Variants in ALDH5A1 observed in about 807,000 individuals in gnomAD.
ALDH5A1 encodes the protein succinate-semialdehyde dehydrogenase, mitochondrial.
In ALDH5A1, 33 loss-of-function variants were observed where a neutral mutation model predicts 54.7. The ratio of observed to expected loss-of-function variants is 0.60; its 90% CI spans 0.46 to 0.81. The LOEUF (loss-of-function observed/expected upper bound fraction) is 0.81, where lower values mean the gene tolerates loss of function less well. Among genes scored for constraint, ALDH5A1 ranks in the 30% least tolerant of loss-of-function variants. The probability of loss-of-function intolerance (pLI) is 0.00; values close to 1 mark genes in which losing one functional copy is unlikely to be tolerated. For synonymous variants in ALDH5A1, 294 were observed against 292.7 expected (o/e 1.00, Z -0.05); for missense variants, 657 against 711.0 (o/e 0.92, Z 0.86).
In ALDH5A1 at chr6:24,528,122, G is replaced by C. The variant is rs781629841; in HGVS notation, c.1299G>C (p.Leu433=). 3.1e-6 allele frequency: 5 copies of C among 1,614,032 alleles called. No homozygotes were observed. In the Admixed American group the frequency reaches 8.3e-5, roughly 27 times the overall value. ...TLLCNVTQDM[L]CTHEETFGPL... ...TGTGCAATGTCACCCAGGACATGCT[G>C]TGCACTCATGAAGAGACTTTCGGGC... Residue 433 remains leucine (L), a synonymous_variant, in exon 8 of 10, where the codon CTG becomes CTC. Coordinates refer to ENST00000357578, the MANE Select transcript of ALDH5A1 (RefSeq NM_001080.3).
intron 1 of ALDH5A1, among the ~76,000 whole-genome samples, chr6:24,499,163 A>G (rs1044035959): frequency 6.6e-6 from 1 of 150,998 alleles, no homozygotes; most frequent in Non-Finnish European, 1.5e-5. Flanking sequence ...ATGCACCTGT[A>G]TGTAATCCCA....
At chr6:24,501,905 G>GTA (rs773681557) in intron 1 of ALDH5A1, among the ~76,000 whole-genome samples, 3,982 of 147,618 alleles carry the variant, frequency 0.027, 92 homozygotes, top group South Asian at 0.092. Context: ...ATGTGTGTGT[G>GTA]TGTGTGTGGG....
intron 4 of ALDH5A1, among the ~76,000 whole-genome samples, chr6:24,514,434 C>T (rs866030795): frequency 1.1e-4 from 16 of 152,022 alleles, no homozygotes; most frequent in Admixed American, 6.6e-5. Flanking sequence ...TTGAACAGAC[C>T]GTGGCATTGA....
At chr6:24,499,278 C>G (rs1436114455) in intron 1 of ALDH5A1, among the ~76,000 whole-genome samples, 2 of 151,934 alleles carry the variant, frequency 1.3e-5, no homozygotes, top group African/African-American at 4.8e-5. Context: ...GGTGACAGAG[C>G]GAGACTGTCT....
At chr6:24,504,046 T>G (rs1449280116) in intron 3 of ALDH5A1, among the ~76,000 whole-genome samples, 1 of 152,212 alleles carries the variant, frequency 6.6e-6, no homozygotes, top group Non-Finnish European at 1.5e-5. Flanking sequence ...TCGAGACGTC[T>G]GTGTTTTTCC....
At chr6:24,500,038 C>G (rs891772487) in intron 1 of ALDH5A1, among the ~76,000 whole-genome samples, 4 of 152,102 alleles carry the variant, frequency 2.6e-5, no homozygotes, top group Admixed American at 2.6e-4. Flanking sequence ...GAACTCCTGG[C>G]CACAAGCAAC....
rs200484487 is a variant in ALDH5A1 at position 24,504,943 on chromosome 6, G to A, written c.684G>A (p.Lys228=). Residue 228 remains lysine (K), a synonymous_variant, in exon 4 of 10, where the codon AAG becomes AAA. Coordinates refer to ENST00000357578, the MANE Select transcript of ALDH5A1 (RefSeq NM_001080.3). Reference sequence around the variant, plus strand: ...CAGCCGGCTGTACTGTCGTGGTGAAGCCTGCCGAAGACACGCCCTTCTCCG... The same window carrying A: ...CAGCCGGCTGTACTGTCGTGGTGAAACCTGCCGAAGACACGCCCTTCTCCG... ...ALAAGCTVVV[K]PAEDTPFSAL... 76 of 1,614,228 alleles carry A rather than the reference G, an allele frequency of 4.7e-5. No individual in the cohort carries two copies. In the African/African-American group the frequency reaches 7.6e-4, roughly 16 times the overall value.
chr6:24,511,825 T>C, intron 4 of ALDH5A1: 1 of 529,130 alleles, frequency 1.9e-6, no homozygotes, highest in Non-Finnish European at 3.4e-6. Flanking sequence ...TGAATTCTTT[T>C]TCAGGTAAAT....
intron 4 of ALDH5A1, among the ~76,000 whole-genome samples, chr6:24,513,782 T>C (rs1281878433): frequency 1.3e-5 from 2 of 152,204 alleles, no homozygotes; most frequent in East Asian, 3.9e-4. Context: ...TGGGGTTCTC[T>C]GTTATTGGGT....
At chr6:24,501,642 C>G (rs971466671) in intron 1 of ALDH5A1, among the ~76,000 whole-genome samples, 3 of 152,122 alleles carry the variant, frequency 2.0e-5, no homozygotes, top group Non-Finnish European at 2.9e-5. Flanking sequence ...ACCAAGGAAG[C>G]AGAGGTTGCA....
At position 24,502,557 on chromosome 6, in the gene ALDH5A1, T is replaced by C. The variant is rs201357945; in HGVS notation, c.389T>C (p.Leu130Ser). 6.2e-7 allele frequency: 1 copy of C among 1,613,774 alleles called. No individual in the cohort carries two copies. Among genetic ancestry groups the C allele is most frequent in the East Asian group, 2.2e-5 (1 of 44,876 alleles). Reference protein sequence around the residue: ...RSSLLRKWYNLMIQNKDDLAR... With the variant: ...RSSLLRKWYNSMIQNKDDLAR... ...TCATTACTTCGGAAGTGGTACAATT[T>C]AATGATACAAAATAAGGATGACCTT... is the stretch of plus-strand genomic sequence containing the variant. The change falls in exon 2 of 10, where the codon TTA becomes TCA. Residue 130 changes from leucine to serine, a missense_variant. Transcript: ENST00000357578.
At position 24,533,751 on chromosome 6, in the gene ALDH5A1, A is replaced by G; in HGVS notation, c.*39A>G. On this transcript the variant is annotated 3_prime_UTR_variant, in exon 10 of 10. Transcript: ENST00000357578. ...TTTAAAAAAATTTAAAAGGAGACTT[A>G]TCTACATATATAGGTACATGCCATC... is the stretch of plus-strand genomic sequence containing the variant. 6.4e-7 allele frequency: 1 copy of G among 1,551,506 alleles called. No homozygotes were observed. The highest frequency in any genetic ancestry group is 2.2e-5 in the East Asian group (1 of 44,562).
At chr6:24,529,157 T>C (rs1164337106) in intron 8 of ALDH5A1, among the ~76,000 whole-genome samples, 1 of 152,012 alleles carries the variant, frequency 6.6e-6, no homozygotes, top group Non-Finnish European at 1.5e-5. Context: ...TTATCCACTT[T>C]TTTTTTCTTT....
In ALDH5A1 at chr6:24,515,212, C is replaced by G; in HGVS notation, c.772C>G (p.Pro258Ala). The change falls in exon 5 of 10, where the codon CCC (proline) becomes GCC (alanine). Residue 258 changes from proline (P) to alanine (A), a missense_variant. By Grantham distance (27) the Pro-to-Ala change is conservative (BLOSUM62 -1). Coordinates refer to ENST00000357578, the MANE Select transcript of ALDH5A1 (RefSeq NM_001080.3). ...TCCTTCAGGTGTATACAATGTTATTCCCTGTTCTCGAAAGAATGCCAAGGA... is the reference window on the plus strand; with the variant it reads ...TCCTTCAGGTGTATACAATGTTATTGCCTGTTCTCGAAAGAATGCCAAGGA... Reference protein sequence around the residue: ...GIPSGVYNVIPCSRKNAKEVG... With the variant: ...GIPSGVYNVIACSRKNAKEVG... 2 of 1,581,118 alleles carry G rather than the reference C, an allele frequency of 1.3e-6. No homozygotes were observed. Among genetic ancestry groups the G allele is most frequent in the Non-Finnish European group, 1.7e-6 (2 of 1,161,860 alleles).
At chr6:24,516,474 A>T (rs1410789016) in intron 5 of ALDH5A1, among the ~76,000 whole-genome samples, 1 of 150,812 alleles carries the variant, frequency 6.6e-6, no homozygotes, top group African/African-American at 2.4e-5. Flanking sequence ...AAATTAAAAA[A>T]AATAAATAAT....
At chr6:24,515,420 A>C in intron 5 of ALDH5A1, 110 bp downstream of exon 5, 1 of 1,360,238 alleles carries the variant, frequency 7.4e-7, no homozygotes. Context: ...GATTTCCAGC[A>C]GAGTGTTAAA....
Position 24,503,369 on chromosome 6 carries a change from C to T in ALDH5A1, c.545C>T (p.Pro182Leu), listed in dbSNP as rs3765310. The T allele has an allele frequency of 0.03, 48,780 of 1,613,974 alleles. 1,292 individuals are homozygous for T. The highest frequency in any genetic ancestry group is 0.099 in the South Asian group (9,037 of 91,072). The part of the protein sequence containing the change: ...RRVYGDIIHT[P>L]AKDRRALVLK... ...GTTTACGGAGACATTATCCACACCCCGGCAAAGGACAGGCGGGCCCTGGTC... is the reference window on the plus strand; with the variant it reads ...GTTTACGGAGACATTATCCACACCCTGGCAAAGGACAGGCGGGCCCTGGTC... Residue 182 changes from proline (P) to leucine (L), a missense_variant, in exon 3 of 10, where the codon CCG becomes CTG. Physicochemically the swap from Pro to Leu is moderately conservative, Grantham distance 98. Coordinates refer to ENST00000357578, the MANE Select transcript of ALDH5A1 (RefSeq NM_001080.3).
rs1338198433 is a variant in ALDH5A1 at position 24,533,711 on chromosome 6, A to T, written c.1607A>T (p.Ter536LeuextTer6). 4.3e-6 allele frequency: 7 copies of T among 1,613,990 alleles called. No homozygotes were observed. Among genetic ancestry groups the T allele is most frequent in the Non-Finnish European group, 5.9e-6 (7 of 1,179,930 alleles). The change falls in exon 10 of 10, where the codon TAG becomes TTG. Residue 536 changes from the stop codon to leucine, a stop_lost. Coordinates refer to ENST00000357578, the MANE Select transcript of ALDH5A1 (RefSeq NM_001080.3). ...AAGTATGTGTGTTACGGGGGCTTGTAGGATTCTTTGGTTCTTTAAAAAAAT... is the reference window on the plus strand; with the variant it reads ...AAGTATGTGTGTTACGGGGGCTTGTTGGATTCTTTGGTTCTTTAAAAAAAT... ...ELKYVCYGGL[*>L]
At position 24,509,227 on chromosome 6, in the gene ALDH5A1, T is replaced by G. The variant is rs1451251320; in HGVS notation, c.726+4242T>G. Among the ~76,000 whole-genome samples the G allele has an allele frequency of 6.6e-6, 1 of 152,250 alleles. No homozygotes were observed. The highest frequency in any genetic ancestry group is 1.5e-5 in the Non-Finnish European group (1 of 68,046). Reference sequence around the variant, plus strand: ...CTAGAAGGGTTTTTCCAATGTTATCTTCTAGAATTTTTATAGTTTCAGGTC... The same window carrying G: ...CTAGAAGGGTTTTTCCAATGTTATCGTCTAGAATTTTTATAGTTTCAGGTC... On this transcript the variant is annotated intron_variant, in intron 4 of 9. Coordinates refer to ENST00000357578, the MANE Select transcript of ALDH5A1 (RefSeq NM_001080.3). This position sits in a 1 kb window ranked among gnomAD's most constrained non-coding sequence, Gnocchi z 4.7.
Sources: allele counts gnomAD v4.1 joint callset (sites outside exome capture counted in the v4.1 genomes callset), GRCh38; gene constraint gnomAD v4.1.1; non-coding constraint Gnocchi (gnomAD v3.1); transcripts MANE v1.5; gene names NCBI Gene and HGNC (gene_info 2026-07-23, HGNC 2026-07-21).